NELL1: variants seen among roughly 807,000 people sequenced by gnomAD.
The protein encoded by NELL1 is protein kinase C-binding protein NELL1.
In NELL1, 76 loss-of-function variants were observed where a neutral mutation model predicts 107.4. The ratio of observed to expected loss-of-function variants is 0.71; its 90% confidence interval spans 0.59 to 0.86. The LOEUF is 0.86. Ranked by LOEUF, NELL1 falls within the 40% of genes least tolerant of loss-of-function variation. NELL1 has a pLI of 0.00. For synonymous variants in NELL1, 353 were observed against 341.2 expected (o/e 1.03, Z -0.38); for missense variants, 1,024 against 1,005.5 (o/e 1.02, Z -0.25).
intron 15 of NELL1, among the ~76,000 whole-genome samples, chr11:21,483,060 G>A (rs1008377513): frequency 6.6e-6 from 1 of 151,520 alleles, no homozygotes; most frequent in Non-Finnish European, 1.5e-5. Flanking sequence ...TGATCCATTA[G>A]GCCTCTATAA....
rs189665600 is a variant in NELL1, at chr11:21,363,607, C to T, written c.1550-7246C>T. 2.6e-3 allele frequency among the ~76,000 whole-genome samples: 391 copies of T among 152,256 alleles called. 1 individual carries two copies. The highest frequency in any genetic ancestry group is 9.0e-3 in the African/African-American group (373 of 41,544). On this transcript the variant is annotated intron_variant, in intron 14 of 19. Transcript: ENST00000357134. ...TGTGGGAGCTACATGTTAGCTTTGTCTCCTATCCGCCATCTTCCCCAGAAT... is the reference window on the plus strand; with the variant it reads ...TGTGGGAGCTACATGTTAGCTTTGTTTCCTATCCGCCATCTTCCCCAGAAT...
chr11:21,008,882 G>A (rs986938874), intron 12 of NELL1, among the ~76,000 whole-genome samples: 4 of 152,068 alleles, frequency 2.6e-5, no homozygotes, highest in Non-Finnish European at 1.5e-5. Flanking sequence ...TTAACATGGA[G>A]GAGAAGAAGA....
At chr11:20,765,789 A>G (rs1206657043) in intron 2 of NELL1, among the ~76,000 whole-genome samples, 3 of 152,186 alleles carry the variant, frequency 2.0e-5, no homozygotes, top group Admixed American at 6.5e-5. Flanking sequence ...AAGGGGATTC[A>G]ATTTTTATTA....
intron 12 of NELL1, among the ~76,000 whole-genome samples, chr11:21,045,540 G>A (rs1478539553): frequency 6.6e-6 from 1 of 152,130 alleles, no homozygotes; most frequent in Non-Finnish European, 1.5e-5. Context: ...ATCTGTATTA[G>A]CATAATAGTT....
At chr11:20,725,729 C>G (rs1361829098) in intron 2 of NELL1, among the ~76,000 whole-genome samples, 3 of 152,132 alleles carry the variant, frequency 2.0e-5, no homozygotes, top group Admixed American at 6.6e-5. Flanking sequence ...TTTCTGATCT[C>G]TAGGTTGCTA....
chr11:21,414,665 T>C (rs1852461871), intron 15 of NELL1, among the ~76,000 whole-genome samples: 1 of 152,120 alleles, frequency 6.6e-6, no homozygotes, highest in African/African-American at 2.4e-5. Context: ...TATAATGTTT[T>C]CTTCTGATTA....
chr11:21,457,394 A>C, intron 15 of NELL1, among the ~76,000 whole-genome samples: 1 of 152,134 alleles, frequency 6.6e-6, no homozygotes, highest in East Asian at 1.9e-4. Context: ...GATAGGACTG[A>C]AAAGTTTGCA....
At chr11:21,307,847 A>AT in intron 14 of NELL1, among the ~76,000 whole-genome samples, 1 of 152,080 alleles carries the variant, frequency 6.6e-6, no homozygotes, top group East Asian at 1.9e-4. Context: ...TCAAATTTTA[A>AT]TTAGCAAGTA....
At chr11:21,360,853 G>A (rs1418943076) in intron 14 of NELL1, among the ~76,000 whole-genome samples, 1 of 152,138 alleles carries the variant, frequency 6.6e-6, no homozygotes, top group African/African-American at 2.4e-5. Context: ...AAGTCTTTAT[G>A]TGTTAGGTGA....
At chr11:21,396,151 T>A (rs1365170990) in intron 15 of NELL1, among the ~76,000 whole-genome samples, 1 of 151,504 alleles carries the variant, frequency 6.6e-6, no homozygotes, top group Non-Finnish European at 1.5e-5. Flanking sequence ...CCATACCCTG[T>A]GAACTTGCTC....
chr11:20,822,793 G>A (rs1179428613), intron 3 of NELL1, among the ~76,000 whole-genome samples: 2 of 152,186 alleles, frequency 1.3e-5, no homozygotes, highest in Non-Finnish European at 2.9e-5. Flanking sequence ...TGGAGAGAAC[G>A]CTGGAAGATT....
At chr11:20,880,446 A>G (rs146534873) in intron 4 of NELL1, among the ~76,000 whole-genome samples, 1 of 152,220 alleles carries the variant, frequency 6.6e-6, no homozygotes, top group Non-Finnish European at 1.5e-5. Flanking sequence ...TTATGTTTTA[A>G]ATGAGGAAAT....
intron 12 of NELL1, among the ~76,000 whole-genome samples, chr11:21,001,314 A>G (rs956101115): frequency 2.8e-4 from 42 of 152,172 alleles, no homozygotes; most frequent in African/African-American, 9.2e-4. Flanking sequence ...TTTTTCCCAC[A>G]TTGGAAAGGG....
rs558402921 is a variant in NELL1, at chr11:21,101,824, G to A, written c.1301-11765G>A. ...CTCTGATGGTAGTTTATTTTGCTGTGCAGAAGCTCTTTAGTTTAATTAGAT... is the reference window on the plus strand; with the variant it reads ...CTCTGATGGTAGTTTATTTTGCTGTACAGAAGCTCTTTAGTTTAATTAGAT... On this transcript the variant is annotated intron_variant, in intron 12 of 19. Coordinates refer to ENST00000357134, the MANE Select transcript of NELL1 (RefSeq NM_006157.5). Among the ~76,000 whole-genome samples, 5 of 152,200 alleles carry A rather than the reference G, an allele frequency of 3.3e-5. No individual in the cohort carries two copies. In the South Asian group the frequency reaches 1.0e-3, roughly 32 times the overall value.
At chr11:21,196,812 G>A (rs752284230) in intron 13 of NELL1, among the ~76,000 whole-genome samples, 1 of 151,370 alleles carries the variant, frequency 6.6e-6, no homozygotes. Flanking sequence ...CACTTAAGAG[G>A]TACATCACAA....
At chr11:21,267,265 GA>G (rs1259143158) in intron 14 of NELL1, among the ~76,000 whole-genome samples, 4 of 151,914 alleles carry the variant, frequency 2.6e-5, no homozygotes, top group African/African-American at 7.2e-5. Context: ...ATAATATCAT[GA>G]ATAAATAGAA....
At chr11:20,734,722 G>T (rs1304726378) in intron 2 of NELL1, among the ~76,000 whole-genome samples, 2 of 152,204 alleles carry the variant, frequency 1.3e-5, no homozygotes, top group South Asian at 4.1e-4. Flanking sequence ...GGTCAAACAA[G>T]TCCAGGGTTC....
intron 17 of NELL1, among the ~76,000 whole-genome samples, chr11:21,568,195 T>C (rs1272608734): frequency 1.3e-5 from 2 of 151,872 alleles, no homozygotes; most frequent in Non-Finnish European, 2.9e-5. Flanking sequence ...CTATATTTAG[T>C]ATTGTAGGCA....
At chr11:21,447,790 A>G (rs181735866) in intron 15 of NELL1, among the ~76,000 whole-genome samples, 6 of 152,238 alleles carry the variant, frequency 3.9e-5, no homozygotes, top group East Asian at 1.9e-4. Flanking sequence ...CTGTGAGTCC[A>G]TTACAACACT....
Sources: allele counts gnomAD v4.1 joint callset (sites outside exome capture counted in the v4.1 genomes callset), GRCh38; gene constraint gnomAD v4.1.1; transcripts MANE v1.5; gene names NCBI Gene and HGNC (gene_info 2026-07-23, HGNC 2026-07-21).